Variants in VTI1A observed in about 807,000 individuals in gnomAD.
VTI1A encodes the protein vesicle transport through interaction with t-SNAREs 1A.
A neutral mutation model predicts 34.9 loss-of-function variants in VTI1A; 22 were observed. The observed-to-expected ratio is 0.63, with a 90% CI of 0.45 to 0.90. VTI1A has a LOEUF of 0.90. VTI1A is among the 40% of genes least tolerant of loss of function. The pLI is 0.00. For synonymous variants in VTI1A, 87 were observed against 97.3 expected, an observed-to-expected ratio of 0.89 and a Z score of 0.62; for missense variants, 268 against 275.6, an observed-to-expected ratio of 0.97 and a Z score of 0.20.
chr10:112,628,790 TATTATA>T (rs1489642733), intron 5 of VTI1A, among the ~76,000 whole-genome samples: 3 of 152,172 alleles, frequency 2.0e-5, no homozygotes, highest in Admixed American at 6.5e-5. Context: ...TCTTTTAAAA[TATTATA>T]ATTATAAATA....
At chr10:112,830,936 A>AC in the VTI1A span, among the ~76,000 whole-genome samples, 4 of 143,900 alleles carry the variant, frequency 2.8e-5, no homozygotes, top group African/African-American at 7.8e-5. Context: ...AGCAGCTTTG[A>AC]CCCCCCAGGC....
In VTI1A at chr10:112,465,222, A is replaced by G. The variant is rs529784759; in HGVS notation, c.264+565A>G. On this transcript the variant is annotated intron_variant, in intron 3 of 7. Coordinates refer to ENST00000393077, the MANE Select transcript of VTI1A (RefSeq NM_145206.4). ...TGAGAATATGTAGCTGTCTCTTCCT[A>G]TATATCTGGCTTTCAACCGTATCTG... Among the ~76,000 whole-genome samples the G allele has an allele frequency of 7.2e-5, 11 of 152,144 alleles. No individual in the cohort carries two copies. The South Asian group carries it at 1.9e-3, about 26-fold the overall frequency.
intron 1 of VTI1A, among the ~76,000 whole-genome samples, chr10:112,453,047 G>C (rs1181812238): frequency 6.6e-6 from 1 of 152,084 alleles, no homozygotes; most frequent in African/African-American, 2.4e-5. Flanking sequence ...GGCCCCTCAT[G>C]GCTATGACAG....
At chr10:112,777,545 C>T (rs184389289) in intron 7 of VTI1A, among the ~76,000 whole-genome samples, 1 of 152,306 alleles carries the variant, frequency 6.6e-6, no homozygotes, top group East Asian at 1.9e-4. Context: ...AACAAGACTT[C>T]GCCAAAAAGG....
At chr10:112,538,030 T>C (rs891920924) in intron 4 of VTI1A, among the ~76,000 whole-genome samples, 2 of 150,864 alleles carry the variant, frequency 1.3e-5, no homozygotes, top group African/African-American at 2.4e-5. Flanking sequence ...ACGAGTCTCC[T>C]TTTAAAAACA....
chr10:112,752,523 G>C, intron 7 of VTI1A: 1 of 985,406 alleles, frequency 1.0e-6, no homozygotes, highest in Non-Finnish European at 1.2e-6. Context: ...AGAAATCTTT[G>C]AAATGCTGAA....
At chr10:112,744,332 T>C (rs1407420646) in intron 7 of VTI1A, among the ~76,000 whole-genome samples, 6 of 152,182 alleles carry the variant, frequency 3.9e-5, no homozygotes, top group Non-Finnish European at 8.8e-5. Flanking sequence ...AAGTTCTGGC[T>C]AGAAATTTAA....
chr10:112,660,220 C>A (rs1847397112), intron 5 of VTI1A, among the ~76,000 whole-genome samples: 1 of 152,258 alleles, frequency 6.6e-6, no homozygotes, highest in African/African-American at 2.4e-5. Flanking sequence ...CCTGCCTCAG[C>A]CTCCTGAGTA....
intron 7 of VTI1A, among the ~76,000 whole-genome samples, chr10:112,783,611 T>C (rs548899609): frequency 6.6e-6 from 1 of 152,380 alleles, no homozygotes; most frequent in East Asian, 1.9e-4. Flanking sequence ...GCTAGTGTTC[T>C]ACCTTTTCAA....
intron 7 of VTI1A, among the ~76,000 whole-genome samples, chr10:112,714,257 A>C (rs1590105239): frequency 6.6e-6 from 1 of 152,146 alleles, no homozygotes; most frequent in East Asian, 1.9e-4. Context: ...CTCTGCTTAA[A>C]ACAGTCCACT....
At chr10:112,537,311 G>GTGTA (rs1419438697) in intron 4 of VTI1A, among the ~76,000 whole-genome samples, 3 of 65,222 alleles carry the variant, frequency 4.6e-5, no homozygotes, top group African/African-American at 1.3e-4. Context: ...AAGTATCTAG[G>GTGTA]TATATATATA....
intron 5 of VTI1A, among the ~76,000 whole-genome samples, chr10:112,647,165 T>G (rs1846827814): frequency 6.6e-6 from 1 of 152,228 alleles, no homozygotes; most frequent in African/African-American, 2.4e-5. Flanking sequence ...TAAAACTTTT[T>G]CTTTACTTCC....
Position 112,816,126 on chromosome 10 carries a change from C to T in VTI1A, c.*743C>T, listed in dbSNP as rs1430904197. ...CCCAGAATCTGCTGGCAAAGTGAGC[C>T]CTGGTACAGGATTTAATTGTGACCT... On this transcript the variant is annotated 3_prime_UTR_variant, in exon 8 of 8. Coordinates refer to ENST00000393077, the MANE Select transcript of VTI1A (RefSeq NM_145206.4). 1 of 219,588 alleles carries T rather than the reference C, an allele frequency of 4.6e-6. No homozygotes were observed. The highest frequency in any genetic ancestry group is 6.7e-5 in the East Asian group (1 of 14,888). The allele number at this position is 219,588 out of a possible 1,614,324, so 13.6% of individuals were successfully genotyped here. A position where few individuals can be genotyped will look rare whatever the true frequency, so the allele number is the denominator to read the frequency against.
chr10:112,452,079 A>T (rs956405428), intron 1 of VTI1A, among the ~76,000 whole-genome samples: 7 of 152,188 alleles, frequency 4.6e-5, no homozygotes, highest in African/African-American at 1.4e-4. Flanking sequence ...CTGTTGCTCT[A>T]GAGGGTTACA....
chr10:112,554,502 CTG>C (rs1375076574), intron 5 of VTI1A, among the ~76,000 whole-genome samples: 2 of 152,236 alleles, frequency 1.3e-5, no homozygotes, highest in South Asian at 4.2e-4. Flanking sequence ...AATGGAAACT[CTG>C]TGCCATGAGC....
intron 3 of VTI1A, among the ~76,000 whole-genome samples, chr10:112,525,897 T>C (rs576625925): frequency 1.3e-5 from 2 of 152,364 alleles, no homozygotes; most frequent in East Asian, 3.9e-4. Flanking sequence ...AAATCTAATT[T>C]AAAAATCATA....
intron 5 of VTI1A, among the ~76,000 whole-genome samples, chr10:112,650,785 A>G (rs1346897023): frequency 1.3e-5 from 2 of 152,220 alleles, no homozygotes; most frequent in East Asian, 1.9e-4. Context: ...TTGTTATGCA[A>G]TGCATGACTG....
the VTI1A span, among the ~76,000 whole-genome samples, chr10:112,853,041 C>T: frequency 1.3e-5 from 2 of 152,200 alleles, no homozygotes; most frequent in Non-Finnish European, 2.9e-5. Flanking sequence ...GCCTTGGCTT[C>T]CCAAAGTGCT....
chr10:112,707,372 C>T (rs527325190), intron 7 of VTI1A, among the ~76,000 whole-genome samples: 3 of 152,176 alleles, frequency 2.0e-5, no homozygotes, highest in South Asian at 4.2e-4. Context: ...CTCGCTCTAT[C>T]GCCCAGACTG....
Sources: allele counts gnomAD v4.1 joint callset (sites outside exome capture counted in the v4.1 genomes callset), GRCh38; gene constraint gnomAD v4.1.1; transcripts MANE v1.5; gene names NCBI Gene and HGNC (gene_info 2026-07-23, HGNC 2026-07-21).